Variants in AFF3 observed in about 807,000 individuals in gnomAD.
AFF3 encodes ALF transcription elongation factor 3, also known as AF4/FMR2 family member 3.
In AFF3, 32 loss-of-function variants were observed where a neutral mutation model predicts 129.7. The ratio of observed to expected loss-of-function variants is 0.25; its 90% CI spans 0.19 to 0.33. AFF3 has a LOEUF of 0.33. AFF3 is among the 10% of genes least tolerant of loss of function. AFF3 has a pLI of 1.00. For synonymous variants in AFF3, 644 were observed against 635.4 expected, an observed-to-expected ratio of 1.01 and a Z score of -0.20; for missense variants, 1,373 against 1,592.0, an observed-to-expected ratio of 0.86 and a Z score of 2.34.
intron 7 of AFF3, among the ~76,000 whole-genome samples, chr2:99,993,564 T>A (rs576410049): frequency 3.8e-4 from 57 of 151,304 alleles, no homozygotes; most frequent in African/African-American, 1.4e-3. Flanking sequence ...AAACTAAAGA[T>A]AAAAATAATA....
rs781757534 is a variant in AFF3, at chr2:99,554,718, G to A, written c.3300C>T (p.Ala1100=). Residue 1100 remains alanine, a synonymous_variant, in exon 23 of 25, where the codon GCC becomes GCT. Coordinates refer to ENST00000672756, the MANE Select transcript of AFF3 (RefSeq NM_001386135.1). ...CCCCCCACGGAGATGGGGCTTGGGC[G>A]GCTTTAGATGAGTTCTGCAAGAAAA... The part of the protein sequence containing the change: ...LIDYFKNSSK[A]AQAPSPWGAS... 6.8e-6 allele frequency: 11 copies of A among 1,614,096 alleles called. No homozygotes were observed. Among genetic ancestry groups the A allele is most frequent in the South Asian group, 2.2e-5 (2 of 91,090 alleles).
At chr2:100,079,739 A>G (rs1688890156) in intron 4 of AFF3, among the ~76,000 whole-genome samples, 2 of 152,122 alleles carry the variant, frequency 1.3e-5, no homozygotes, top group South Asian at 4.1e-4. Context: ...CTGTACAAAC[A>G]CCAGATTCCT....
intron 10 of AFF3, among the ~76,000 whole-genome samples, chr2:99,739,218 C>T (rs1456513707): frequency 3.3e-5 from 5 of 151,972 alleles, no homozygotes; most frequent in African/African-American, 9.7e-5. Flanking sequence ...TTTCCTGGGG[C>T]TCCTGGGGGC....
intron 11 of AFF3, among the ~76,000 whole-genome samples, chr2:99,679,947 A>G (rs991517035): frequency 6.6e-6 from 1 of 152,212 alleles, no homozygotes; most frequent in Admixed American, 6.5e-5. Flanking sequence ...TCTAGGTGCT[A>G]GAGATATAAA....
In AFF3 at chr2:99,675,463, C is replaced by T. The variant is rs532828194; in HGVS notation, c.1092-2874G>A. 5.8e-4 allele frequency among the ~76,000 whole-genome samples: 88 copies of T among 152,328 alleles called. No homozygotes were observed. The Middle Eastern group carries it at 0.01, about 18-fold the overall frequency. ...ACCCTGAGGAGACCCAGGCTCCCCG[C>T]GGTCTGAGAGCAGGAACCCTTTGCT... On this transcript the variant is annotated intron_variant, in intron 11 of 24. Transcript: ENST00000672756.
intron 7 of AFF3, among the ~76,000 whole-genome samples, chr2:99,910,333 G>T (rs1695024774): frequency 6.6e-6 from 1 of 152,082 alleles, no homozygotes; most frequent in African/African-American, 2.4e-5. Flanking sequence ...TTTCCAAGCA[G>T]ATTTTTCAAA....
chr2:99,862,787 C>A (rs1691091528), intron 7 of AFF3, among the ~76,000 whole-genome samples: 1 of 152,240 alleles, frequency 6.6e-6, no homozygotes, highest in Non-Finnish European at 1.5e-5. Context: ...CCTCAATTTT[C>A]TCTTCTAAAT....
chr2:100,113,179 T>A (rs951596488), intron 2 of AFF3, among the ~76,000 whole-genome samples: 3 of 152,172 alleles, frequency 2.0e-5, no homozygotes, highest in Admixed American at 6.5e-5. Context: ...AATGATCACA[T>A]AAGTCATTTC....
At chr2:99,696,800 T>C (rs1259801649) in intron 11 of AFF3, among the ~76,000 whole-genome samples, 1 of 152,150 alleles carries the variant, frequency 6.6e-6, no homozygotes, top group Non-Finnish European at 1.5e-5. Context: ...CGCGCCACCA[T>C]GCCCAGCTAA....
At chr2:99,776,349 A>G (rs1172970233) in intron 8 of AFF3, among the ~76,000 whole-genome samples, 1 of 152,248 alleles carries the variant, frequency 6.6e-6, no homozygotes, top group Non-Finnish European at 1.5e-5. Flanking sequence ...CTGTAGTTAG[A>G]GGAGCAATGC....
In AFF3 at chr2:99,594,159, T is replaced by C. The variant is rs143256289; in HGVS notation, c.1502A>G (p.Lys501Arg). 94 of 1,614,142 alleles carry C rather than the reference T, an allele frequency of 5.8e-5. No homozygotes were observed. In the African/African-American group the frequency reaches 1.2e-3, roughly 21 times the overall value. Residue 501 changes from lysine (K) to arginine (R), a missense_variant, in exon 15 of 25, where the codon AAA (lysine) becomes AGA (arginine). Around this residue, in one of 9 missense-constraint regions of AFF3, gnomAD observed 413 missense variants for 424.4 expected, o/e 0.97. Coordinates refer to ENST00000672756, the MANE Select transcript of AFF3 (RefSeq NM_001386135.1). ...SESNQYYNPVKEDVQDCGKVP... is the reference protein window; with the variant it reads ...SESNQYYNPVREDVQDCGKVP... ...TTTCCCACAGTCCTGGACGTCCTCT[T>C]TCACCGGGTTGTAGTACTGATTGCT...
chr2:99,964,881 TG>T (rs1677589745), intron 7 of AFF3, among the ~76,000 whole-genome samples: 1 of 152,090 alleles, frequency 6.6e-6, no homozygotes, highest in Admixed American at 6.5e-5. Flanking sequence ...TGGAGGAAAA[TG>T]GGTGAAGGGT....
At chr2:99,870,642 G>C (rs948785178) in intron 7 of AFF3, among the ~76,000 whole-genome samples, 5 of 152,180 alleles carry the variant, frequency 3.3e-5, no homozygotes, top group African/African-American at 7.2e-5. Flanking sequence ...AGGCCCCCTG[G>C]CAGGCTGGGC....
chr2:99,997,375 T>A (rs1400829076), intron 7 of AFF3, among the ~76,000 whole-genome samples: 1 of 152,166 alleles, frequency 6.6e-6, no homozygotes, highest in Admixed American at 6.5e-5. Context: ...TTCCTCTGTC[T>A]GCCAACCAAG....
intron 8 of AFF3, among the ~76,000 whole-genome samples, chr2:99,775,741 G>T (rs764379176): frequency 6.6e-6 from 1 of 151,042 alleles, no homozygotes; most frequent in Non-Finnish European, 1.5e-5. Flanking sequence ...GCTCATCCTC[G>T]CTCTCAAGAA....
In AFF3 at chr2:100,004,160, T is replaced by C. The variant is rs1435666426; in HGVS notation, c.873+2472A>G. Among the ~76,000 whole-genome samples the C allele has an allele frequency of 8.5e-5, 13 of 152,276 alleles. 1 individual carries two copies. In the South Asian group the frequency reaches 2.7e-3, roughly 32 times the overall value. ...TCACACTGTGATAAGTCTTGCTCTG[T>C]AGCTAACATCCTCAAAAACCATAGT... On this transcript the variant is annotated intron_variant, in intron 7 of 24. Coordinates refer to ENST00000672756, the MANE Select transcript of AFF3 (RefSeq NM_001386135.1).
intron 7 of AFF3, among the ~76,000 whole-genome samples, chr2:99,987,628 G>T (rs1559035259): frequency 6.6e-6 from 1 of 152,158 alleles, no homozygotes; most frequent in Non-Finnish European, 1.5e-5. Context: ...AACTAGGTCT[G>T]CATCCTTAAT....
intron 11 of AFF3, among the ~76,000 whole-genome samples, chr2:99,694,314 T>C (rs1675970528): frequency 6.6e-6 from 1 of 152,156 alleles, no homozygotes; most frequent in Non-Finnish European, 1.5e-5. Context: ...GAAGACCCAC[T>C]GGGCACTCTT....
At chr2:100,034,606 C>G (rs1348470812) in intron 4 of AFF3, among the ~76,000 whole-genome samples, 1 of 151,622 alleles carries the variant, frequency 6.6e-6, no homozygotes, top group African/African-American at 2.4e-5. Context: ...ATCAGAATAT[C>G]AATGAAGAAA....
Sources: allele counts gnomAD v4.1 joint callset (sites outside exome capture counted in the v4.1 genomes callset), GRCh38; gene constraint gnomAD v4.1.1; regional missense constraint gnomAD v4.1.1; transcripts MANE v1.5; gene names NCBI Gene and HGNC (gene_info 2026-07-23, HGNC 2026-07-21).